SSBP2: variants seen among roughly 807,000 people sequenced by gnomAD.
The protein encoded by SSBP2 is single stranded DNA binding protein 2.
SSBP2 carries 17 observed loss-of-function variants against 61.8 expected under a neutral mutation model. The ratio of observed to expected loss-of-function variants is 0.28; its 90% CI spans 0.19 to 0.41. The LOEUF is 0.41. Ranked by LOEUF, SSBP2 falls within the 10% of genes least tolerant of loss-of-function variation. The pLI, the probability that SSBP2 is intolerant of heterozygous loss-of-function variation, is 1.00. For synonymous variants in SSBP2, 139 were observed against 141.3 expected (o/e 0.98, Z 0.12); for missense variants, 310 against 458.7 (o/e 0.68, Z 2.96).
At position 81,736,143 on chromosome 5, in the gene SSBP2, A is replaced by AACACACACAC. The variant is rs58588638; in HGVS notation, c.62+14828_62+14837dup. Among the ~76,000 whole-genome samples the AACACACACAC allele has an allele frequency of 3.4e-3, 256 of 75,340 alleles. 2 individuals carry two copies. The highest frequency in any genetic ancestry group is 7.2e-3 in the African/African-American group (198 of 27,460). The allele number at this position is 75,340 out of a possible 152,430, so 49.4% of individuals were successfully genotyped here. A position where few individuals can be genotyped will look rare whatever the true frequency, so the allele number is the denominator to read the frequency against. ...TTCCAAAAACATCCTACTACCCTGA[A>AACACACACAC]ACACACACACACACACACACACACA... On this transcript the variant is annotated intron_variant, in intron 1 of 16. Transcript: ENST00000320672.
intron 1 of SSBP2, among the ~76,000 whole-genome samples, chr5:81,667,288 C>T (rs912713296): frequency 5.8e-4 from 14 of 24,074 alleles, no homozygotes; most frequent in Middle Eastern, 0.028. Flanking sequence ...GATACAGATA[C>T]ACACACACAC....
chr5:81,669,399 T>C (rs1354881334), intron 1 of SSBP2, among the ~76,000 whole-genome samples: 2 of 152,268 alleles, frequency 1.3e-5, no homozygotes, highest in East Asian at 3.9e-4. Context: ...TTATTCATAA[T>C]TGGCAGCACT....
At chr5:81,608,133 A>C (rs568501910) in intron 4 of SSBP2, among the ~76,000 whole-genome samples, 1 of 152,136 alleles carries the variant, frequency 6.6e-6, no homozygotes, top group East Asian at 1.9e-4. Flanking sequence ...CTTATCCCTT[A>C]ATCCACTTTC....
intron 6 of SSBP2, among the ~76,000 whole-genome samples, chr5:81,479,102 T>C (rs529749592): frequency 2.0e-5 from 3 of 152,340 alleles, no homozygotes; most frequent in African/African-American, 7.2e-5. Context: ...TTTTAAAACA[T>C]TTTTATCAGC....
chr5:81,526,458 G>A (rs1395596200), intron 4 of SSBP2, among the ~76,000 whole-genome samples: 1 of 151,812 alleles, frequency 6.6e-6, no homozygotes, highest in Non-Finnish European at 1.5e-5. Context: ...GAAAGAGTTA[G>A]TTTATTTTTT....
chr5:81,562,210 C>T (rs1466999908), intron 4 of SSBP2, among the ~76,000 whole-genome samples: 5 of 151,976 alleles, frequency 3.3e-5, no homozygotes, highest in African/African-American at 9.7e-5. Context: ...CCGGCCAAGA[C>T]CTTTTTATAT....
chr5:81,458,635 T>A (rs1370013739), intron 10 of SSBP2, among the ~76,000 whole-genome samples: 1 of 151,780 alleles, frequency 6.6e-6, no homozygotes, highest in Non-Finnish European at 1.5e-5. Context: ...CCTTGAGGAG[T>A]CAGAGACTAA....
intron 4 of SSBP2, among the ~76,000 whole-genome samples, chr5:81,544,824 T>C (rs905768588): frequency 7.9e-5 from 12 of 152,220 alleles, no homozygotes; most frequent in African/African-American, 2.9e-4. Flanking sequence ...GCAGAGGTCA[T>C]GTGACTGAGT....
chr5:81,740,209 T>C (rs918210511), intron 1 of SSBP2, among the ~76,000 whole-genome samples: 10 of 151,964 alleles, frequency 6.6e-5, no homozygotes, highest in South Asian at 2.1e-4. Flanking sequence ...TATATGTATG[T>C]GTAATATATC....
chr5:81,702,080 A>G (rs748025154), intron 1 of SSBP2, among the ~76,000 whole-genome samples: 1 of 152,184 alleles, frequency 6.6e-6, no homozygotes, highest in Non-Finnish European at 1.5e-5. Context: ...TTTTAATTAA[A>G]AAAAAGATTC....
chr5:81,732,570 T>G (rs1465634448), intron 1 of SSBP2, among the ~76,000 whole-genome samples: 2 of 152,244 alleles, frequency 1.3e-5, no homozygotes, highest in Non-Finnish European at 2.9e-5. Flanking sequence ...GTTTTTCCTA[T>G]TTTGTTGCTC....
At chr5:81,531,978 T>C (rs1770446872) in intron 4 of SSBP2, among the ~76,000 whole-genome samples, 1 of 152,102 alleles carries the variant, frequency 6.6e-6, no homozygotes, top group Non-Finnish European at 1.5e-5. Flanking sequence ...TTCTCAGTTT[T>C]CTCTGTCAAG....
At chr5:81,696,006 G>A (rs1376156623) in intron 1 of SSBP2, among the ~76,000 whole-genome samples, 1 of 152,070 alleles carries the variant, frequency 6.6e-6, no homozygotes, top group Non-Finnish European at 1.5e-5. Flanking sequence ...TGATAAAAAG[G>A]AAATGTTAAT....
chr5:81,575,525 AAAC>A (rs888447017), intron 4 of SSBP2, among the ~76,000 whole-genome samples: 6 of 152,154 alleles, frequency 3.9e-5, no homozygotes, highest in Non-Finnish European at 7.4e-5. Context: ...AGAACAATAA[AAAC>A]AAGCTAATGG....
chr5:81,662,073 T>G (rs1750740508), intron 1 of SSBP2, among the ~76,000 whole-genome samples: 1 of 152,200 alleles, frequency 6.6e-6, no homozygotes, highest in Non-Finnish European at 1.5e-5. Context: ...ATACAGAACT[T>G]AGATACATTC....
intron 4 of SSBP2, among the ~76,000 whole-genome samples, chr5:81,538,110 T>G (rs983881977): frequency 6.6e-6 from 1 of 152,222 alleles, no homozygotes; most frequent in African/African-American, 2.4e-5. Flanking sequence ...CTAGTCCTCT[T>G]GTACCAAACA....
intron 9 of SSBP2, among the ~76,000 whole-genome samples, chr5:81,464,989 T>G (rs1561432320): frequency 1.3e-5 from 2 of 152,054 alleles, no homozygotes; most frequent in African/African-American, 4.8e-5. Flanking sequence ...TTTGCTTTTT[T>G]GGGGCCAATA....
intron 1 of SSBP2, among the ~76,000 whole-genome samples, chr5:81,707,585 A>C (rs1581391465): frequency 6.6e-6 from 1 of 152,290 alleles, no homozygotes; most frequent in South Asian, 2.1e-4. Context: ...TGCCTCCAGA[A>C]TCATGAGTCA....
chr5:81,630,553 T>A (rs1229169910), intron 3 of SSBP2, among the ~76,000 whole-genome samples: 1 of 152,144 alleles, frequency 6.6e-6, no homozygotes, highest in Non-Finnish European at 1.5e-5. Context: ...ACCTATATAT[T>A]TAGCATGTAC....
Sources: allele counts gnomAD v4.1 joint callset (sites outside exome capture counted in the v4.1 genomes callset), GRCh38; gene constraint gnomAD v4.1.1; transcripts MANE v1.5; gene names NCBI Gene and HGNC (gene_info 2026-07-23, HGNC 2026-07-21).